Variants in RIN2 observed in about 807,000 individuals in gnomAD.
The protein encoded by RIN2 is Ras and Rab interactor 2.
Under a neutral mutation model 78.0 loss-of-function variants are expected in RIN2, and 36 were observed. That is an observed-to-expected ratio of 0.46 (90% CI 0.35 to 0.61). The LOEUF is 0.61. Among genes scored for constraint, RIN2 ranks in the 20% least tolerant of loss-of-function variants. RIN2 has a pLI of 0.00. For missense variants in RIN2, 1,087 were observed against 1,159.7 expected (o/e 0.94, Z 0.91); for synonymous variants, 466 against 466.8 (o/e 1.00, Z 0.02).
At chr20:19,891,555 A>G (rs989791829) in intron 3 of RIN2, among the ~76,000 whole-genome samples, 12 of 152,204 alleles carry the variant, frequency 7.9e-5, no homozygotes, top group African/African-American at 2.9e-4. Context: ...ATGGTGCTTC[A>G]TGCCTGTAAT....
At chr20:19,823,294 C>T (rs2035983045) in intron 2 of RIN2, 1 of 581,876 alleles carries the variant, frequency 1.7e-6, no homozygotes, top group Non-Finnish European at 3.0e-6. Context: ...GCCCTGGAAT[C>T]TGGGGACTGA....
chr20:19,996,632 G>C (rs6136905), intron 11 of RIN2, 47 bp from the exon 12 acceptor site: 7 of 1,601,782 alleles, frequency 4.4e-6, no homozygotes, highest in Non-Finnish European at 5.1e-6. Context: ...TATCACCCGT[G>C]AGCGGAGGTT....
chr20:19,918,965 A>T (rs564123483), intron 3 of RIN2, among the ~76,000 whole-genome samples: 1 of 152,302 alleles, frequency 6.6e-6, no homozygotes, highest in East Asian at 1.9e-4. Flanking sequence ...ATTCACGGCA[A>T]ATCTACTCAA....
Position 19,791,463 on chromosome 20 carries a change from G to C in RIN2, c.-162-8159G>C, listed in dbSNP as rs185629213. On this transcript the variant is annotated intron_variant, in intron 1 of 12. Coordinates refer to ENST00000255006, the MANE Select transcript of RIN2 (RefSeq NM_018993.4). ...TAGCTTGATCTTTGAAAGAATACCT[G>C]ATCCACCAAAGAGGAGATGTGCCCC... Among the ~76,000 whole-genome samples the C allele has an allele frequency of 4.8e-3, 738 of 152,260 alleles. 3 individuals carry two copies. Among genetic ancestry groups the C allele is most frequent in the African/African-American group, 0.017 (701 of 41,534 alleles).
intron 1 of RIN2, among the ~76,000 whole-genome samples, chr20:19,764,924 T>TTTTTTTTTTTTC (rs2033814204): frequency 8.7e-6 from 1 of 115,202 alleles, no homozygotes; most frequent in Non-Finnish European, 1.8e-5. Context: ...CTGCGTTTTT[T>TTTTTTTTTTTTC]TTTTTTTTTT....
At chr20:19,915,207 G>T (rs897452269) in intron 3 of RIN2, among the ~76,000 whole-genome samples, 2 of 152,198 alleles carry the variant, frequency 1.3e-5, no homozygotes, top group African/African-American at 4.8e-5. Flanking sequence ...GTTCATGTGG[G>T]AGAGTAGGGG....
chr20:19,925,135 C>T (rs938398066), intron 3 of RIN2, among the ~76,000 whole-genome samples: 5 of 150,458 alleles, frequency 3.3e-5, no homozygotes, highest in Non-Finnish European at 7.4e-5. Context: ...GGGCACATTC[C>T]TTAGCCTGCA....
chr20:19,795,366 T>G (rs2122659511), intron 1 of RIN2, among the ~76,000 whole-genome samples: 1 of 152,336 alleles, frequency 6.6e-6, no homozygotes, highest in South Asian at 2.1e-4. Flanking sequence ...ATTGTTTGGG[T>G]TTGGCTGTTT....
intron 1 of RIN2, among the ~76,000 whole-genome samples, chr20:19,765,100 T>C (rs905699283): frequency 2.6e-5 from 4 of 151,874 alleles, no homozygotes; most frequent in Non-Finnish European, 5.9e-5. Context: ...TCCACCTGCC[T>C]CAGCCTCCCA....
intron 3 of RIN2, among the ~76,000 whole-genome samples, chr20:19,897,419 C>T (rs2123579487): frequency 6.6e-6 from 1 of 152,234 alleles, no homozygotes; most frequent in South Asian, 2.1e-4. Flanking sequence ...AGACCAGCTA[C>T]ATTTTTAAGT....
At chr20:19,875,690 C>T (rs1435740015) in intron 2 of RIN2, among the ~76,000 whole-genome samples, 1 of 151,934 alleles carries the variant, frequency 6.6e-6, no homozygotes, top group East Asian at 1.9e-4. Context: ...TGGTGCAGGC[C>T]TGCAGGATGG....
intron 4 of RIN2, among the ~76,000 whole-genome samples, chr20:19,943,150 G>C (rs991002948): frequency 6.6e-6 from 1 of 152,178 alleles, no homozygotes; most frequent in African/African-American, 2.4e-5. Context: ...CAGCTCCAAG[G>C]GCAACCAGGA....
chr20:19,990,152 C>A lies in RIN2; in HGVS notation c.1909C>A (p.Gln637Lys). 1.2e-6 allele frequency: 2 copies of A among 1,603,800 alleles called. No homozygotes were observed. The highest frequency in any genetic ancestry group is 8.5e-7 in the Non-Finnish European group (1 of 1,175,270). ...NLQLVRQRNP[Q>K]ELGVFAPTPD... ...GCAGCTTGTGCGGCAGAGGAATCCGCAGGAGCTGGGGGTCTTCGCCCCGAC... is the reference window on the plus strand; with the variant it reads ...GCAGCTTGTGCGGCAGAGGAATCCGAAGGAGCTGGGGGTCTTCGCCCCGAC... The change falls in exon 10 of 13, where the codon CAG (glutamine) becomes AAG (lysine). Residue 637 changes from glutamine to lysine, a missense_variant. Coordinates refer to ENST00000255006, the MANE Select transcript of RIN2 (RefSeq NM_018993.4).
chr20:19,778,705 C>T (rs1174405307), intron 1 of RIN2, among the ~76,000 whole-genome samples: 5 of 152,134 alleles, frequency 3.3e-5, no homozygotes, highest in African/African-American at 1.2e-4. Context: ...CTGGGCCACA[C>T]CAAGTAATGG....
At chr20:19,762,988 C>G (rs1228532422) in intron 1 of RIN2, among the ~76,000 whole-genome samples, 1 of 152,112 alleles carries the variant, frequency 6.6e-6, no homozygotes, top group African/African-American at 2.4e-5. Context: ...TGGTCTCGAA[C>G]TCCTGACCTC....
At chr20:19,800,598 G>A (rs980438285) in intron 2 of RIN2, among the ~76,000 whole-genome samples, 5 of 152,226 alleles carry the variant, frequency 3.3e-5, no homozygotes, top group African/African-American at 1.2e-4. Flanking sequence ...GAGGCCACAT[G>A]TAGGTGCTCC....
At chr20:19,844,734 T>C (rs2036726435) in intron 2 of RIN2, among the ~76,000 whole-genome samples, 1 of 149,268 alleles carries the variant, frequency 6.7e-6, no homozygotes, top group Non-Finnish European at 1.5e-5. Context: ...CTTCTTCTTC[T>C]TCTTCTTCTT....
rs559477770 is a variant in RIN2, at chr20:19,855,789, A to T, written c.-36-33777A>T. Among the ~76,000 whole-genome samples, 223 of 152,256 alleles carry T rather than the reference A, an allele frequency of 1.5e-3. 2 individuals are homozygous for T. Among genetic ancestry groups the T allele is most frequent in the Middle Eastern group, 6.8e-3 (2 of 294 alleles). On this transcript the variant is annotated intron_variant, in intron 2 of 12. Coordinates refer to ENST00000255006, the MANE Select transcript of RIN2 (RefSeq NM_018993.4). The stretch of plus-strand genomic sequence containing the variant: ...AAAATCCCAGAGACAAAAATGAAAC[A>T]TCTTGGCCAGGCATGGTGGCTCACG...
At chr20:19,847,693 T>C (rs9789825) in intron 2 of RIN2, among the ~76,000 whole-genome samples, 94,770 of 152,108 alleles carry the variant, frequency 0.62, 31,458 homozygotes, top group East Asian at 0.78. Context: ...ATTTTTGAAA[T>C]TGGTTACATA....
Sources: allele counts gnomAD v4.1 joint callset (sites outside exome capture counted in the v4.1 genomes callset), GRCh38; gene constraint gnomAD v4.1.1; transcripts MANE v1.5; gene names NCBI Gene and HGNC (gene_info 2026-07-23, HGNC 2026-07-21).